GNA14: variants seen among roughly 807,000 people sequenced by gnomAD.
The protein encoded by GNA14 is G protein subunit alpha 14.
A neutral mutation model predicts 42.0 loss-of-function variants in GNA14; 50 were observed. The observed-to-expected ratio is 1.19, with a 90% CI of 0.95 to 1.51. The LOEUF (loss-of-function observed/expected upper bound fraction) is 1.51, where lower values mean the gene tolerates loss of function less well. Ranked by LOEUF, GNA14 falls within the 40% of genes most tolerant of loss-of-function variation. The pLI, the probability that GNA14 is intolerant of heterozygous loss-of-function variation, is 0.00. For missense variants in GNA14, 473 were observed against 446.2 expected (o/e 1.06, Z -0.54); for synonymous variants, 173 against 163.1 (o/e 1.06, Z -0.46).
At chr9:77,535,845 G>A (rs1837590255) in intron 1 of GNA14, among the ~76,000 whole-genome samples, 1 of 151,746 alleles carries the variant, frequency 6.6e-6, no homozygotes, top group South Asian at 2.1e-4. Context: ...AATATGCCTG[G>A]GACTGGAATG....
intron 2 of GNA14, among the ~76,000 whole-genome samples, chr9:77,496,487 C>G (rs1191404707): frequency 6.6e-6 from 1 of 152,166 alleles, no homozygotes; most frequent in African/African-American, 2.4e-5. Context: ...TTCTGTAGCC[C>G]AGATATAGGA....
chr9:77,600,746 T>C (rs1823545380), intron 1 of GNA14, among the ~76,000 whole-genome samples: 1 of 151,498 alleles, frequency 6.6e-6, no homozygotes, highest in Admixed American at 6.6e-5. Context: ...GGCAAAACCC[T>C]GTCTCTACTA....
intron 1 of GNA14, among the ~76,000 whole-genome samples, chr9:77,613,654 G>T (rs1027510713): frequency 6.6e-6 from 1 of 152,168 alleles, no homozygotes; most frequent in Non-Finnish European, 1.5e-5. Context: ...AACTTGTTAA[G>T]TTGTATTTGT....
chr9:77,447,581 G>A (rs1279743404), intron 2 of GNA14, among the ~76,000 whole-genome samples: 1 of 152,160 alleles, frequency 6.6e-6, no homozygotes, highest in Non-Finnish European at 1.5e-5. Flanking sequence ...AACAGCACAG[G>A]TGTATTTTAC....
intron 2 of GNA14, among the ~76,000 whole-genome samples, chr9:77,501,225 G>A (rs914228989): frequency 1.3e-5 from 2 of 152,168 alleles, no homozygotes; most frequent in Non-Finnish European, 2.9e-5. Context: ...AAAGTGCTGG[G>A]ATTACAGGTG....
intron 1 of GNA14, among the ~76,000 whole-genome samples, chr9:77,610,554 T>A (rs1217832034): frequency 6.6e-6 from 1 of 152,152 alleles, no homozygotes; most frequent in Non-Finnish European, 1.5e-5. Flanking sequence ...AAGGCCCCAC[T>A]TCCAAATATC....
In GNA14 at chr9:77,445,727, G is replaced by A. The variant is rs186573152; in HGVS notation, c.310-11205C>T. ...ACTGCACTCCAGCCTGGGCAACAGC[G>A]AGACCCCATCTTTAAAAAATATATA... On this transcript the variant is annotated intron_variant, in intron 2 of 6. Coordinates refer to ENST00000341700, the MANE Select transcript of GNA14 (RefSeq NM_004297.4). 7.2e-5 allele frequency among the ~76,000 whole-genome samples: 11 copies of A among 152,046 alleles called. No homozygotes were observed. In the South Asian group the frequency reaches 1.0e-3, roughly 14 times the overall value.
At chr9:77,638,256 C>T (rs1297813936) in intron 1 of GNA14, among the ~76,000 whole-genome samples, 1 of 152,204 alleles carries the variant, frequency 6.6e-6, no homozygotes, top group African/African-American at 2.4e-5. Flanking sequence ...CACAGCCCCA[C>T]TCTCACAGAG....
intron 1 of GNA14, among the ~76,000 whole-genome samples, chr9:77,563,527 C>G (rs1373825414): frequency 6.6e-6 from 1 of 152,052 alleles, no homozygotes; most frequent in Non-Finnish European, 1.5e-5. Flanking sequence ...GACCCTAGGT[C>G]AAGTATAAAA....
intron 4 of GNA14, among the ~76,000 whole-genome samples, chr9:77,430,340 A>T (rs1166196781): frequency 6.6e-6 from 1 of 152,238 alleles, no homozygotes; most frequent in Non-Finnish European, 1.5e-5. Context: ...ATCGCAGTCC[A>T]AGAAGGATAA....
At chr9:77,474,758 G>T (rs939917056) in intron 2 of GNA14, among the ~76,000 whole-genome samples, 1 of 152,140 alleles carries the variant, frequency 6.6e-6, no homozygotes, top group African/African-American at 2.4e-5. Flanking sequence ...TACCCATACT[G>T]ATGTATGGAT....
chr9:77,611,273 A>G (rs1386927573), intron 1 of GNA14, among the ~76,000 whole-genome samples: 1 of 152,230 alleles, frequency 6.6e-6, no homozygotes, highest in Non-Finnish European at 1.5e-5. Context: ...CATAGAAAGT[A>G]ACATGAGTAT....
intron 2 of GNA14, among the ~76,000 whole-genome samples, chr9:77,516,988 C>A (rs1268997158): frequency 6.6e-6 from 1 of 152,144 alleles, no homozygotes; most frequent in Non-Finnish European, 1.5e-5. Context: ...GTGTGAACAG[C>A]CAGAGCCAGC....
chr9:77,624,083 G>A (rs1823976713), intron 1 of GNA14, among the ~76,000 whole-genome samples: 1 of 152,174 alleles, frequency 6.6e-6, no homozygotes, highest in Non-Finnish European at 1.5e-5. Context: ...CTTGCTGGGA[G>A]GGAGGGGCAT....
At chr9:77,486,812 GT>G (rs1689919497) in intron 2 of GNA14, among the ~76,000 whole-genome samples, 1 of 152,148 alleles carries the variant, frequency 6.6e-6, no homozygotes, top group Admixed American at 6.6e-5. Flanking sequence ...ACATGGGCAT[GT>G]TTGTGGTGCC....
At chr9:77,424,286 G>A (rs192806821) in intron 6 of GNA14, 117 bp from the exon 7 acceptor site, 74 of 623,906 alleles carry the variant, frequency 1.2e-4, no homozygotes, top group South Asian at 1.5e-4. Flanking sequence ...GCAGTGGCAC[G>A]GTCTCAGCTC....
chr9:77,625,451 A>C (rs1823998871), intron 1 of GNA14, among the ~76,000 whole-genome samples: 1 of 152,184 alleles, frequency 6.6e-6, no homozygotes, highest in Admixed American at 6.5e-5. Flanking sequence ...TGTCAGGTTG[A>C]AATGAAGAAA....
Position 77,647,667 on chromosome 9 carries a change from C to CA in GNA14, c.124+2dup. 1 of 1,608,502 alleles carries CA rather than the reference C, an allele frequency of 6.2e-7. No individual in the cohort carries two copies. The highest frequency in any genetic ancestry group is 2.2e-5 in the East Asian group (1 of 44,656). ...CACTGGAGTCGGAGACGCAGCCACT[C>CA]ACCCAGCAGCAGCAGCTTAAGCTCA... On this transcript the variant is annotated splice_region_variant and intron_variant, in intron 1 of 6. Coordinates refer to ENST00000341700, the MANE Select transcript of GNA14 (RefSeq NM_004297.4).
intron 2 of GNA14, among the ~76,000 whole-genome samples, chr9:77,436,524 C>T (rs1835640868): frequency 6.6e-6 from 1 of 152,176 alleles, no homozygotes; most frequent in Non-Finnish European, 1.5e-5. Context: ...CTGCATGTCA[C>T]GGACCCTATT....
Sources: allele counts gnomAD v4.1 joint callset (sites outside exome capture counted in the v4.1 genomes callset), GRCh38; gene constraint gnomAD v4.1.1; transcripts MANE v1.5; gene names NCBI Gene and HGNC (gene_info 2026-07-23, HGNC 2026-07-21).